AVEN: variants seen among roughly 807,000 people sequenced by gnomAD.
AVEN encodes apoptosis and caspase activation inhibitor.
AVEN carries 41 observed loss-of-function variants against 38.1 expected under a neutral mutation model. The ratio of observed to expected loss-of-function variants is 1.08; its 90% confidence interval spans 0.84 to 1.40. AVEN has a LOEUF of 1.40. AVEN is among the 40% of genes most tolerant of loss of function. The pLI is 0.00. For synonymous variants in AVEN, 206 were observed against 171.8 expected (o/e 1.20, Z -1.56); for missense variants, 605 against 438.8 (o/e 1.38, Z -3.38).
chr15:34,050,735 A>C (rs1899900422), intron 5 of AVEN, among the ~76,000 whole-genome samples: 1 of 152,228 alleles, frequency 6.6e-6, no homozygotes, highest in Admixed American at 6.5e-5. Flanking sequence ...TAAACCAATA[A>C]GATCAAAAAA....
chr15:33,861,591 G>A (rs1220587544), downstream of AVEN, among the ~76,000 whole-genome samples: 1 of 151,596 alleles, frequency 6.6e-6, no homozygotes, highest in Non-Finnish European at 1.5e-5. Flanking sequence ...TCCATGCTCA[G>A]TCACTGTCTT....
chr15:33,856,857 C>A (rs1049108554), downstream of AVEN: 2 of 152,256 alleles, frequency 1.3e-5, no homozygotes, highest in Non-Finnish European at 2.9e-5. Flanking sequence ...CAGGGTTTCA[C>A]CATGTTGGCC....
At chr15:33,954,425 G>A (rs1361352799) in intron 2 of AVEN, among the ~76,000 whole-genome samples, 1 of 152,180 alleles carries the variant, frequency 6.6e-6, no homozygotes, top group Non-Finnish European at 1.5e-5. Context: ...ATGATAGACT[G>A]GATGAAGAAA....
chr15:33,878,807 T>C lies in AVEN; in HGVS notation c.446-2812A>G, dbSNP rs182926645. 2.9e-3 allele frequency among the ~76,000 whole-genome samples: 442 copies of C among 152,252 alleles called. 2 individuals are homozygous for C. The highest frequency in any genetic ancestry group is 0.01 in the African/African-American group (431 of 41,544). On this transcript the variant is annotated intron_variant, in intron 2 of 5. Transcript: ENST00000306730. ...GTAGGAAAATAGGAAAAGGGGAGAA[T>C]ATATGAAATATGATTGCTAATATAT...
chr15:33,940,080 C>T (rs1008995904), intron 2 of AVEN, among the ~76,000 whole-genome samples: 5 of 152,090 alleles, frequency 3.3e-5, no homozygotes, highest in African/African-American at 9.7e-5. Context: ...AGGAATCTGC[C>T]GGTGCCTTCA....
intron 2 of AVEN, among the ~76,000 whole-genome samples, chr15:33,900,740 T>C (rs1172309599): frequency 1.3e-5 from 2 of 152,206 alleles, no homozygotes; most frequent in Non-Finnish European, 2.9e-5. Flanking sequence ...CATTTATCTA[T>C]AGGTGACAAG....
chr15:33,897,443 T>A (rs1160234445), intron 2 of AVEN, among the ~76,000 whole-genome samples: 1 of 152,132 alleles, frequency 6.6e-6, no homozygotes. Context: ...CTAATTTTTG[T>A]ATTTTTAGTA....
At chr15:33,915,380 A>G (rs1893093304) in intron 2 of AVEN, among the ~76,000 whole-genome samples, 2 of 152,132 alleles carry the variant, frequency 1.3e-5, no homozygotes, top group Non-Finnish European at 2.9e-5. Flanking sequence ...GGGATCATCC[A>G]CCCCCAAGCA....
chr15:33,930,691 C>T (rs1367944631), intron 2 of AVEN, among the ~76,000 whole-genome samples: 1 of 152,180 alleles, frequency 6.6e-6, no homozygotes, highest in Non-Finnish European at 1.5e-5. Context: ...CGCGGTGGCT[C>T]ACGCCTGTAA....
At chr15:33,975,128 C>T (rs1895828688) in intron 2 of AVEN, among the ~76,000 whole-genome samples, 1 of 152,104 alleles carries the variant, frequency 6.6e-6, no homozygotes. Flanking sequence ...AGCTTAGAGC[C>T]CGCAGGTCCC....
intron 5 of AVEN, chr15:34,062,671 A>C: frequency 2.6e-6 from 4 of 1,539,634 alleles, no homozygotes; most frequent in Non-Finnish European, 2.6e-6. Context: ...TGAAATAGAA[A>C]ACAGCCTAGA....
At position 34,060,948 on chromosome 15, in the gene AVEN, G is replaced by A. The variant is rs183473127; in HGVS notation, n.1637+1974C>T. 4.9e-3 allele frequency among the ~76,000 whole-genome samples: 741 copies of A among 151,664 alleles called. 3 individuals are homozygous for A. The highest frequency in any genetic ancestry group is 7.4e-3 in the Non-Finnish European group (503 of 67,890). The stretch of plus-strand genomic sequence containing the variant: ...GGAGAATGGCGTGAACCCAGGAGGC[G>A]GAGCTTGCAGTGAGCCGAGATAGCG... On this transcript the variant is annotated intron_variant and non_coding_transcript_variant, in intron 5 of 11. Coordinates refer to the AVEN transcript ENST00000675287.
At chr15:33,899,422 G>A (rs1462893093) in intron 2 of AVEN, among the ~76,000 whole-genome samples, 1 of 137,762 alleles carries the variant, frequency 7.3e-6, no homozygotes, top group African/African-American at 2.6e-5. Flanking sequence ...ATGCAACATT[G>A]ATTCAAAGTG....
At chr15:33,854,657 C>T (rs986889237), downstream of AVEN, 39 of 1,419,246 alleles carry the variant, frequency 2.7e-5, 1 homozygote, top group Non-Finnish European at 3.6e-5. Context: ...CACCTCAGCA[C>T]CTAAACCCCC....
downstream of AVEN, among the ~76,000 whole-genome samples, chr15:33,854,060 G>C (rs2079381718): frequency 2.0e-5 from 3 of 152,012 alleles, no homozygotes; most frequent in Non-Finnish European, 4.4e-5. Context: ...GCTAGGCGTG[G>C]TGGTGGGCAC....
At chr15:33,921,065 C>T (rs1321102036) in intron 2 of AVEN, among the ~76,000 whole-genome samples, 5 of 152,180 alleles carry the variant, frequency 3.3e-5, no homozygotes, top group African/African-American at 9.7e-5. Flanking sequence ...CGTGAGCTAC[C>T]GCACCTGGCC....
chr15:33,959,903 T>C (rs1325673771), intron 2 of AVEN, among the ~76,000 whole-genome samples: 2 of 152,180 alleles, frequency 1.3e-5, no homozygotes, highest in African/African-American at 2.4e-5. Flanking sequence ...GAAAGGCATG[T>C]CATGGTGAGA....
chr15:34,071,365 C>T (rs1434547914), intron 1 of AVEN, among the ~76,000 whole-genome samples: 2 of 152,162 alleles, frequency 1.3e-5, no homozygotes, highest in Admixed American at 6.5e-5. Context: ...CCTCCATCTC[C>T]CAGGCTCAAG....
Position 33,961,640 on chromosome 15 carries a change from C to T in AVEN, c.445+41392G>A, listed in dbSNP as rs370357841. On this transcript the variant is annotated intron_variant, in intron 2 of 5. Transcript: ENST00000306730. ...CATTCTGGCTAACACGGTGAAACCC[C>T]GTCTCTACTAAAAACACAAAAAATT... 4.0e-3 allele frequency among the ~76,000 whole-genome samples: 606 copies of T among 151,252 alleles called. 2 individuals are homozygous for T. Among genetic ancestry groups the T allele is most frequent in the Middle Eastern group, 0.014 (4 of 292 alleles).
Sources: gnomAD v4.1 joint callset for allele counts (sites outside exome capture counted in the v4.1 genomes callset) on GRCh38, gnomAD v4.1.1 for gene constraint, MANE v1.5 for transcripts, NCBI Gene and HGNC (gene_info 2026-07-23, HGNC 2026-07-21) for gene names.